PNLIP: variants seen among roughly 807,000 people sequenced by gnomAD.
The protein encoded by PNLIP is pancreatic lipase.
In PNLIP, 49 loss-of-function variants were observed where a neutral mutation model predicts 57.1. The ratio of observed to expected loss-of-function variants is 0.86; its 90% CI spans 0.68 to 1.09. The LOEUF (loss-of-function observed/expected upper bound fraction) is 1.09. PNLIP is among the 50% of genes least tolerant of loss of function. The probability of loss-of-function intolerance (pLI) is 0.00; values close to 1 mark genes in which losing one functional copy is unlikely to be tolerated. For synonymous variants in PNLIP, 209 were observed against 200.4 expected, an observed-to-expected ratio of 1.04 and a Z score of -0.36; for missense variants, 503 against 570.2, an observed-to-expected ratio of 0.88 and a Z score of 1.20.
rs1212638938 is a variant in PNLIP at position 116,559,265 on chromosome 10, G to T, written c.1042G>T (p.Asp348Tyr). ...VGQKFYLDTG[D>Y]ASNFARWRYK... ...CCAGAAATTTTATCTAGACACTGGT[G>T]ATGCCAGTAATTTTGCACGTAAGTT... Residue 348 changes from aspartate to tyrosine, a missense_variant, in exon 10 of 13, where the codon GAT becomes TAT. Coordinates refer to ENST00000369221, the MANE Select transcript of PNLIP (RefSeq NM_000936.4). 4 of 1,612,960 alleles carry T rather than the reference G, an allele frequency of 2.5e-6. No individual in the cohort carries two copies. The Admixed American group carries it at 6.7e-5, about 27-fold the overall frequency.
intron 12 of PNLIP, among the ~76,000 whole-genome samples, chr10:116,563,861 T>C (rs962052885): frequency 7.2e-5 from 11 of 151,988 alleles, no homozygotes; most frequent in Admixed American, 5.9e-4. Context: ...CTTTCTGAAA[T>C]GAAATACACA....
At chr10:116,556,582 T>C (rs190169810) in intron 9 of PNLIP, among the ~76,000 whole-genome samples, 327 of 152,266 alleles carry the variant, frequency 2.1e-3, no homozygotes, top group African/African-American at 7.4e-3. Context: ...GATATCTTGG[T>C]TGAATTATTT....
Position 116,555,306 on chromosome 10 carries a change from C to G in PNLIP, c.691+9C>G. On this transcript the variant is annotated intron_variant, in intron 7 of 12. Transcript: ENST00000369221. ...CATAGTCCCCAATTTGGGTGAGTTC[C>G]TCAACCCGTCCCCCAAAGGGTGTTA... 1 of 1,614,126 alleles carries G rather than the reference C, an allele frequency of 6.2e-7. No homozygotes were observed. Among genetic ancestry groups the G allele is most frequent in the African/African-American group, 1.3e-5 (1 of 75,020 alleles).
intron 12 of PNLIP, among the ~76,000 whole-genome samples, chr10:116,563,477 C>T (rs1028881335): frequency 2.0e-5 from 3 of 152,008 alleles, no homozygotes; most frequent in Admixed American, 2.0e-4. Flanking sequence ...TTTGTGAGAT[C>T]CTGGTGCACC....
chr10:116,558,189 ATCTT>A lies in PNLIP; in HGVS notation c.931-955_931-952del, dbSNP rs1289938906. On this transcript the variant is annotated intron_variant, in intron 9 of 12. Transcript: ENST00000369221. ...TTATAATCTCTGTTCTACTTATGCA[ATCTT>A]TCTTTCTTTTTTTTTTTTTTTTGAG... Among the ~76,000 whole-genome samples the A allele has an allele frequency of 2.1e-5, 3 of 142,196 alleles. No individual in the cohort carries two copies. The Admixed American group carries it at 2.3e-4, about 11-fold the overall frequency. The allele number at this position is 142,196 out of a possible 152,430, so 93.3% of individuals were successfully genotyped here.
At chr10:116,549,598 A>G (rs1847168790) in intron 4 of PNLIP, among the ~76,000 whole-genome samples, 1 of 152,194 alleles carries the variant, frequency 6.6e-6, no homozygotes, top group Non-Finnish European at 1.5e-5. Context: ...GATCCTGAAG[A>G]CAGATGAGCA....
chr10:116,560,593 C>A, intron 11 of PNLIP, 69 bp downstream of exon 11: 1 of 708,744 alleles, frequency 1.4e-6, no homozygotes. Flanking sequence ...CGCTGTGTCG[C>A]CGGGGCTGGA....
chr10:116,546,413 A>G (rs1847124406), intron 2 of PNLIP, among the ~76,000 whole-genome samples: 1 of 152,210 alleles, frequency 6.6e-6, no homozygotes, highest in Non-Finnish European at 1.5e-5. Flanking sequence ...ATTTATCTGA[A>G]ATTCAAATTT....
intron 9 of PNLIP, 102 bp from the exon 10 acceptor site, chr10:116,559,052 A>C: frequency 7.1e-7 from 1 of 1,414,878 alleles, no homozygotes; most frequent in Non-Finnish European, 9.5e-7. Context: ...TCATCAGAAC[A>C]GAACTGGCTT....
intron 12 of PNLIP, among the ~76,000 whole-genome samples, chr10:116,566,814 G>C (rs906384865): frequency 2.0e-5 from 3 of 151,930 alleles, no homozygotes; most frequent in African/African-American, 7.3e-5. Context: ...TTTCCTATTT[G>C]TGAGGCTGCC....
intron 5 of PNLIP, among the ~76,000 whole-genome samples, chr10:116,553,009 A>G (rs1343657757): frequency 1.3e-5 from 2 of 152,258 alleles, no homozygotes; most frequent in African/African-American, 4.8e-5. Context: ...CTAGGCCTTT[A>G]CATTGCTTAC....
At chr10:116,558,436 C>T (rs1042451305) in intron 9 of PNLIP, among the ~76,000 whole-genome samples, 9 of 151,662 alleles carry the variant, frequency 5.9e-5, no homozygotes, top group African/African-American at 1.9e-4. Flanking sequence ...CCTCGTGATC[C>T]TCCAGCCTTG....
chr10:116,549,448 C>T (rs1257023628), intron 4 of PNLIP, among the ~76,000 whole-genome samples: 1 of 151,722 alleles, frequency 6.6e-6, no homozygotes, highest in Non-Finnish European at 1.5e-5. Flanking sequence ...CACTGCACTC[C>T]AGCCTGGACA....
chr10:116,548,282 T>C, intron 3 of PNLIP, 78 bp from the exon 4 acceptor site: 2 of 1,404,300 alleles, frequency 1.4e-6, no homozygotes. Context: ...GTCTTCTACT[T>C]ACTGCCCCTC....
At chr10:116,548,273 T>C (rs1847152201) in intron 3 of PNLIP, 87 bp from the exon 4 acceptor site, 3 of 1,289,066 alleles carry the variant, frequency 2.3e-6, no homozygotes, top group Non-Finnish European at 3.3e-6. Flanking sequence ...ATCCTAGCAG[T>C]CTTCTACTTA....
At chr10:116,550,246 G>A (rs2133199305) in intron 4 of PNLIP, among the ~76,000 whole-genome samples, 1 of 151,552 alleles carries the variant, frequency 6.6e-6, no homozygotes, top group Non-Finnish European at 1.5e-5. Flanking sequence ...TTTTAGTAGA[G>A]ATGAGGTTTC....
chr10:116,565,555 G>C (rs1167572794), intron 12 of PNLIP, among the ~76,000 whole-genome samples: 1 of 150,002 alleles, frequency 6.7e-6, no homozygotes, highest in Non-Finnish European at 1.5e-5. Context: ...CTGCCTCCTG[G>C]GTTCAAGTGA....
At position 116,555,188 on chromosome 10, in the gene PNLIP, A is replaced by C. The variant is rs1160928416; in HGVS notation, c.582A>C (p.Pro194=). The C allele has an allele frequency of 1.2e-6, 2 of 1,614,174 alleles. No homozygotes were observed. Among genetic ancestry groups the C allele is most frequent in the Non-Finnish European group, 1.7e-6 (2 of 1,180,014 alleles). The change falls in exon 7 of 13, where the codon CCA becomes CCC. Residue 194 remains proline, a synonymous_variant. Coordinates refer to ENST00000369221, the MANE Select transcript of PNLIP (RefSeq NM_000936.4). ...GTIGRITGLD[P]AEPCFQGTPE... ...TACTCTTTACTTTAGGGTTGGACCC[A>C]GCAGAACCTTGCTTTCAGGGCACAC...
At chr10:116,564,940 AAAT>A (rs1159859436) in intron 12 of PNLIP, among the ~76,000 whole-genome samples, 1 of 152,222 alleles carries the variant, frequency 6.6e-6, no homozygotes, top group Non-Finnish European at 1.5e-5. Flanking sequence ...AAATGGAATA[AAAT>A]ATAATCCAAA....
Sources: allele counts gnomAD v4.1 joint callset (sites outside exome capture counted in the v4.1 genomes callset), GRCh38; gene constraint gnomAD v4.1.1; transcripts MANE v1.5; gene names NCBI Gene and HGNC (gene_info 2026-07-23, HGNC 2026-07-21).